STK11IP: variants seen among roughly 807,000 people sequenced by gnomAD.
The protein encoded by STK11IP is serine/threonine kinase 11 interacting protein, also known as serine/threonine-protein kinase 11-interacting protein.
Under a neutral mutation model 131.7 loss-of-function variants are expected in STK11IP, and 103 were observed. The ratio of observed to expected loss-of-function variants is 0.78; its 90% confidence interval spans 0.67 to 0.92. STK11IP has a LOEUF of 0.92. Ranked by LOEUF, STK11IP falls within the 40% of genes least tolerant of loss-of-function variation. The pLI, the probability that STK11IP is intolerant of heterozygous loss-of-function variation, is 0.00. For missense variants in STK11IP, 1,315 were observed against 1,385.7 expected (o/e 0.95, Z 0.81); for synonymous variants, 557 against 575.6 (o/e 0.97, Z 0.46).
In STK11IP at chr2:219,611,615, G is replaced by A. The variant is rs1251143900; in HGVS notation, c.2116G>A (p.Val706Met). ...PLFQKTESPA[V>M]CPNCGSDHVV... ...CATCCTCCCTCCAGAATCTCCTGCT[G>A]TGTGTCCTAACTGTGGTAGTGACCA... The change falls in exon 18 of 25, where the codon GTG becomes ATG. Residue 706 changes from valine (V) to methionine (M), a missense_variant. Transcript: ENST00000456909. 4 of 1,612,512 alleles carry A rather than the reference G, an allele frequency of 2.5e-6. No individual in the cohort carries two copies. The South Asian group carries it at 4.4e-5, about 18-fold the overall frequency.
intron 17 of STK11IP, chr2:219,609,964 A>G (rs1184955660): frequency 1.9e-5 from 4 of 212,810 alleles, no homozygotes; most frequent in Non-Finnish European, 2.9e-5. Context: ...ATGCTTGGGG[A>G]GTTGGCTTGG....
In STK11IP at chr2:219,616,352, C is replaced by T. The variant is rs1302779099; in HGVS notation, c.*159C>T. 4.2e-5 allele frequency: 40 copies of T among 954,890 alleles called. No homozygotes were observed. The highest frequency in any genetic ancestry group is 1.1e-4 in the East Asian group (4 of 37,590). The allele number at this position is 954,890 out of a possible 1,614,324, so 59.2% of individuals were successfully genotyped here. ...AATGACCCAGGGCTTAAGGGAGAGGCGAGAGAATGATCTGGCCTCAGGGGA... is the reference window on the plus strand; with the variant it reads ...AATGACCCAGGGCTTAAGGGAGAGGTGAGAGAATGATCTGGCCTCAGGGGA... On this transcript the variant is annotated 3_prime_UTR_variant, in exon 25 of 25. Coordinates refer to ENST00000456909, the MANE Select transcript of STK11IP (RefSeq NM_052902.4).
rs1698302542 is a variant in STK11IP at position 219,609,103 on chromosome 2, G to C, written c.1816G>C (p.Asp606His). ...TCCCCCTCTTGCTGCGCAGGGCTCA[G>C]ATCTGCTCCCTGGAGCCCCCATCCT... is the stretch of plus-strand genomic sequence containing the variant. ...AQRSPRPTGS[D>H]LLPGAPILSL... is the part of the protein sequence containing the mutation. Residue 606 changes from aspartate to histidine, a missense_variant, in exon 16 of 25, where the codon GAT (aspartate) becomes CAT (histidine). Coordinates refer to ENST00000456909, the MANE Select transcript of STK11IP (RefSeq NM_052902.4). 1.3e-6 allele frequency: 2 copies of C among 1,596,504 alleles called. No homozygotes were observed. The highest frequency in any genetic ancestry group is 2.3e-5 in the East Asian group (1 of 44,028).
At chr2:219,598,925 G>A (rs1019544733) in intron 2 of STK11IP, among the ~76,000 whole-genome samples, 4 of 152,138 alleles carry the variant, frequency 2.6e-5, no homozygotes, top group African/African-American at 4.8e-5. Flanking sequence ...TTTCATATCT[G>A]TAAGATGGGG....
In STK11IP at chr2:219,606,818, C is replaced by CA. The variant is rs1698181815; in HGVS notation, c.1095dup (p.Gly366ArgfsTer11). 1 of 1,613,514 alleles carries CA rather than the reference C, an allele frequency of 6.2e-7. No individual in the cohort carries two copies. Among genetic ancestry groups the CA allele is most frequent in the Non-Finnish European group, 8.5e-7 (1 of 1,179,766 alleles). On this transcript the variant is annotated frameshift_variant, in exon 12 of 25. Coordinates refer to ENST00000456909, the MANE Select transcript of STK11IP (RefSeq NM_052902.4). LOFTEE classifies it high-confidence loss of function. ...CCTGACCTGAGTGACAGCCTCTCCTCAGGGGGTGTTGTGACCCAGCCCCTG... is the reference window on the plus strand; with the variant it reads ...CCTGACCTGAGTGACAGCCTCTCCTCAAGGGGGTGTTGTGACCCAGCCCCTG...
In STK11IP at chr2:219,600,862, G is replaced by T. The variant is rs527270381; in HGVS notation, c.62-373G>T. The stretch of plus-strand genomic sequence containing the variant: ...TTCTTGAGGCGGCTTCCTGGAGGAG[G>T]CTGGTCTCAAGCTGGGCGGTGGAAG... On this transcript the variant is annotated intron_variant, in intron 2 of 24. Coordinates refer to ENST00000456909, the MANE Select transcript of STK11IP (RefSeq NM_052902.4). Among the ~76,000 whole-genome samples the T allele has an allele frequency of 1.1e-3, 173 of 152,314 alleles. 1 individual carries two copies. Among genetic ancestry groups the T allele is most frequent in the Non-Finnish European group, 2.4e-3 (161 of 68,034 alleles).
At chr2:219,615,636 C>T (rs1023495020) in intron 24 of STK11IP, 33 of 652,832 alleles carry the variant, frequency 5.1e-5, no homozygotes, top group South Asian at 6.1e-5. Context: ...AGGATTGGGC[C>T]GGTTGTATGC....
At chr2:219,605,906 T>G (rs774229895) in intron 8 of STK11IP, 50 bp from the exon 9 acceptor site, 15 of 1,517,514 alleles carry the variant, frequency 9.9e-6, no homozygotes, top group Non-Finnish European at 1.3e-5. Flanking sequence ...CCACACTCAC[T>G]TGCGTGTACT....
rs1178437916 is a variant in STK11IP, at chr2:219,606,837, G to A, written c.1113G>A (p.Gln371=). 3.7e-6 allele frequency: 6 copies of A among 1,612,468 alleles called. No individual in the cohort carries two copies. Among genetic ancestry groups the A allele is most frequent in the Non-Finnish European group, 4.2e-6 (5 of 1,179,222 alleles). Reference sequence around the variant, plus strand: ...TCTCCTCAGGGGGTGTTGTGACCCAGCCCCTGCTTCATAAGGTTAAGGTAA... The same window carrying A: ...TCTCCTCAGGGGGTGTTGTGACCCAACCCCTGCTTCATAAGGTTAAGGTAA... The part of the protein sequence containing the change: ...DSLSSGGVVT[Q]PLLHKVKSRV... The change falls in exon 12 of 25, where the codon CAG becomes CAA. Residue 371 remains glutamine (Q), a synonymous_variant. Coordinates refer to ENST00000456909, the MANE Select transcript of STK11IP (RefSeq NM_052902.4).
At chr2:219,614,393 G>T in intron 22 of STK11IP, 83 bp from the exon 23 acceptor site, 1 of 1,545,416 alleles carries the variant, frequency 6.5e-7, no homozygotes. Context: ...CCAACCCCCT[G>T]CAGGGCTTTC....
rs912722025 is a variant in STK11IP at position 219,610,690 on chromosome 2, C to T, written c.2105-914C>T. Reference sequence around the variant, plus strand: ...CTGGGATTACAGGCGTGAGCCACCACGCCCGGCCAACCATTCTCCTTTCAC... The same window carrying T: ...CTGGGATTACAGGCGTGAGCCACCATGCCCGGCCAACCATTCTCCTTTCAC... On this transcript the variant is annotated intron_variant, in intron 17 of 24. Transcript: ENST00000456909. 3.7e-4 allele frequency among the ~76,000 whole-genome samples: 57 copies of T among 152,328 alleles called. 1 individual carries two copies. Among genetic ancestry groups the T allele is most frequent in the Admixed American group, 2.4e-3 (36 of 15,296 alleles).
intron 8 of STK11IP, 25 bp downstream of exon 8, chr2:219,605,759 A>C: frequency 6.3e-7 from 1 of 1,593,920 alleles, no homozygotes; most frequent in Non-Finnish European, 8.5e-7. Flanking sequence ...GTGATGGGGC[A>C]AGCATGGAGG....
At chr2:219,606,390 G>A in intron 10 of STK11IP, 86 bp from the exon 11 acceptor site, 1 of 1,552,200 alleles carries the variant, frequency 6.4e-7, no homozygotes, top group Non-Finnish European at 8.7e-7. Context: ...CCAAGGACCT[G>A]GACCCTGCTT....
rs753507704 is a variant in STK11IP at position 219,613,871 on chromosome 2, G to A, written c.2657G>A (p.Arg886His). The A allele has an allele frequency of 1.6e-5, 26 of 1,611,566 alleles. No individual in the cohort carries two copies. The African/African-American group carries it at 2.9e-4, about 18-fold the overall frequency. ...LRLEWAAGAG[R>H]CVLLPRDARH... ...CTAGAGTGGGCAGCTGGGGCGGGCC[G>A]CTGTGTGCTGCTGCCCCGAGATGCC... The change falls in exon 21 of 25, where the codon CGC (arginine) becomes CAC (histidine). Residue 886 changes from arginine to histidine, a missense_variant. Coordinates refer to ENST00000456909, the MANE Select transcript of STK11IP (RefSeq NM_052902.4).
At position 219,601,445 on chromosome 2, in the gene STK11IP, T is replaced by A; in HGVS notation, c.267+5T>A. 1.2e-6 allele frequency: 2 copies of A among 1,613,952 alleles called. No individual in the cohort carries two copies. The highest frequency in any genetic ancestry group is 1.7e-6 in the Non-Finnish European group (2 of 1,179,840). ...CAGAAAACACTTTCACTCAAGGTTC[T>A]GGGTGTGGGGAAGAGGCAGGATGTG... On this transcript the variant is annotated splice_donor_5th_base_variant and intron_variant, in intron 3 of 24. Coordinates refer to ENST00000456909, the MANE Select transcript of STK11IP (RefSeq NM_052902.4).
In STK11IP at chr2:219,615,320, G is replaced by C; in HGVS notation, c.3096G>C (p.Leu1032Phe). 6.2e-7 allele frequency: 1 copy of C among 1,601,926 alleles called. No individual in the cohort carries two copies. The highest frequency in any genetic ancestry group is 8.5e-7 in the Non-Finnish European group (1 of 1,179,176). The stretch of plus-strand genomic sequence containing the variant: ...TCTACCGCTCAGCCCCTGAGGACTT[G>C]CGGCTGCTCTTCTACGATGAGGTGT... ...VLLYRSAPED[L>F]RLLFYDEVSR... The change falls in exon 24 of 25, where the codon TTG (leucine) becomes TTC (phenylalanine). Residue 1032 changes from leucine to phenylalanine, a missense_variant. Coordinates refer to ENST00000456909, the MANE Select transcript of STK11IP (RefSeq NM_052902.4).
rs758958327 is a variant in STK11IP, at chr2:219,614,259, C to A, written c.2798+17C>A. The A allele has an allele frequency of 1.5e-5, 24 of 1,612,604 alleles. No individual in the cohort carries two copies. The South Asian group carries it at 1.8e-4, about 12-fold the overall frequency. Reference sequence around the variant, plus strand: ...CCGGCTCTGGTGAGTCGATAGGAGGCAGAGGCTGGGGTTGCTGCCCAATCC... The same window carrying A: ...CCGGCTCTGGTGAGTCGATAGGAGGAAGAGGCTGGGGTTGCTGCCCAATCC... On this transcript the variant is annotated intron_variant, in intron 22 of 24. Transcript: ENST00000456909.
In STK11IP at chr2:219,598,139, A is replaced by G. The variant is rs777611626; in HGVS notation, c.20A>G (p.Asp7Gly). ...GTGGCCATGACGACCGCTCAGAGGG[A>G]CTCCCTGTTGTGGAAGCTCGCGGGG... MTTAQR[D>G]SLLWKLAGLL... The change falls in exon 2 of 25, where the codon GAC (aspartate) becomes GGC (glycine). Residue 7 changes from aspartate (D) to glycine (G), a missense_variant. By Grantham distance (94) the Asp-to-Gly change is moderately conservative. Coordinates refer to ENST00000456909, the MANE Select transcript of STK11IP (RefSeq NM_052902.4). 2 of 1,585,668 alleles carry G rather than the reference A, an allele frequency of 1.3e-6. No homozygotes were observed. The highest frequency in any genetic ancestry group is 2.3e-5 in the South Asian group (2 of 87,010).
rs2106154171 is a variant in STK11IP, at chr2:219,606,285, A to G, written c.940A>G (p.Thr314Ala). ...GTCACCCCGGGCCAGGGATGCTGCT[A>G]CTGGCGTGAGTGATCGTCCTGTGTC... ...YLSPRARDAA[T>A]GFLLDGKVLS... Residue 314 changes from threonine to alanine, a missense_variant, in exon 10 of 25, where the codon ACT becomes GCT. By Grantham distance (58) the Thr-to-Ala change is moderately conservative. Coordinates refer to ENST00000456909, the MANE Select transcript of STK11IP (RefSeq NM_052902.4). The G allele has an allele frequency of 3.2e-6, 5 of 1,565,030 alleles. No individual in the cohort carries two copies. The highest frequency in any genetic ancestry group is 1.4e-5 in the African/African-American group (1 of 73,688).
Sources: gnomAD v4.1 joint callset for allele counts (sites outside exome capture counted in the v4.1 genomes callset) on GRCh38, gnomAD v4.1.1 for gene constraint, MANE v1.5 for transcripts, NCBI Gene and HGNC (gene_info 2026-07-23, HGNC 2026-07-21) for gene names.